EEPD1: variants seen among roughly 807,000 people sequenced by gnomAD.
The protein encoded by EEPD1 is endonuclease/exonuclease/phosphatase family domain containing 1, also known as endonuclease/exonuclease/phosphatase family domain-containing protein 1.
A neutral mutation model predicts 46.3 loss-of-function variants in EEPD1; 17 were observed. The observed-to-expected ratio is 0.37, with a 90% confidence interval of 0.25 to 0.55. The LOEUF (loss-of-function observed/expected upper bound fraction) is 0.55, where lower values mean the gene tolerates loss of function less well. Among genes scored for constraint, EEPD1 ranks in the 20% least tolerant of loss-of-function variants. The pLI, the probability that EEPD1 is intolerant of heterozygous loss-of-function variation, is 0.83. For missense variants in EEPD1, 673 were observed against 745.6 expected (o/e 0.90, Z 1.13); for synonymous variants, 313 against 315.6 (o/e 0.99, Z 0.09).
chr7:36,172,380 C>T (rs370057266), intron 2 of EEPD1, among the ~76,000 whole-genome samples: 40 of 152,262 alleles, frequency 2.6e-4, no homozygotes, highest in East Asian at 1.5e-3. Flanking sequence ...GGACTGGGTT[C>T]GAGAACTTCC....
intron 3 of EEPD1, among the ~76,000 whole-genome samples, chr7:36,252,061 C>G (rs952109191): frequency 6.6e-6 from 1 of 152,184 alleles, no homozygotes; most frequent in South Asian, 2.1e-4. Context: ...ATCTTTTACT[C>G]ACGATGGTTG....
chr7:36,287,450 G>C, intron 5 of EEPD1, 189 bp from the exon 6 acceptor site: 1 of 798,178 alleles, frequency 1.3e-6, no homozygotes, highest in Non-Finnish European at 1.9e-6. Flanking sequence ...AATAGGCCTT[G>C]TTCCTGCAGG....
chr7:36,287,309 C>A (rs192111361), intron 5 of EEPD1, among the ~76,000 whole-genome samples: 2 of 150,804 alleles, frequency 1.3e-5, no homozygotes, highest in African/African-American at 4.9e-5. Context: ...CCTTCCACCT[C>A]CTTCTTATAT....
In EEPD1 at chr7:36,241,404, C is replaced by T. The variant is rs561294090; in HGVS notation, c.930+2368C>T. Among the ~76,000 whole-genome samples the T allele has an allele frequency of 2.4e-3, 364 of 152,180 alleles. 3 individuals carry two copies. The highest frequency in any genetic ancestry group is 8.6e-3 in the African/African-American group (355 of 41,498). ...AGGAGAATTCCTTGAACCTGGCAAG[C>T]GGAGGTTGCAGTGAGCTGAGATTGC... On this transcript the variant is annotated intron_variant, in intron 3 of 7. Coordinates refer to ENST00000242108, the MANE Select transcript of EEPD1 (RefSeq NM_030636.3).
chr7:36,241,652 A>G (rs1183829490), intron 3 of EEPD1, among the ~76,000 whole-genome samples: 1 of 151,972 alleles, frequency 6.6e-6, no homozygotes, highest in African/African-American at 2.4e-5. Context: ...GGATCATTTG[A>G]GGTCAGGAGT....
At chr7:36,167,007 GT>G (rs1191896469) in intron 2 of EEPD1, among the ~76,000 whole-genome samples, 2 of 152,130 alleles carry the variant, frequency 1.3e-5, no homozygotes, top group Admixed American at 1.3e-4. Flanking sequence ...GGCCAGCTTG[GT>G]TTTTTCTCAG....
chr7:36,190,198 C>T (rs1785437491), intron 2 of EEPD1, among the ~76,000 whole-genome samples: 1 of 152,146 alleles, frequency 6.6e-6, no homozygotes, highest in Non-Finnish European at 1.5e-5. Context: ...ATAGTAAGAT[C>T]CTGTCTCAAC....
At chr7:36,220,790 T>C (rs1786131527) in intron 2 of EEPD1, among the ~76,000 whole-genome samples, 1 of 152,006 alleles carries the variant, frequency 6.6e-6, no homozygotes, top group South Asian at 2.1e-4. Context: ...CTGAATTCGG[T>C]TTTTGTTTTG....
intron 2 of EEPD1, among the ~76,000 whole-genome samples, chr7:36,202,764 T>G (rs1785735588): frequency 6.6e-6 from 1 of 152,192 alleles, no homozygotes; most frequent in East Asian, 1.9e-4. Context: ...TAGCCCCATT[T>G]TATGGCCCTG....
At chr7:36,212,610 A>G (rs925644707) in intron 2 of EEPD1, among the ~76,000 whole-genome samples, 1 of 138,422 alleles carries the variant, frequency 7.2e-6, no homozygotes, top group Non-Finnish European at 1.6e-5. Context: ...AGGAAGTCAC[A>G]TGGCCAAGCC....
chr7:36,173,080 T>C (rs1207660697), intron 2 of EEPD1, among the ~76,000 whole-genome samples: 2 of 152,092 alleles, frequency 1.3e-5, no homozygotes, highest in Admixed American at 1.3e-4. Context: ...TTTAGCTCTG[T>C]GTCCCCACCC....
At chr7:36,275,707 G>A (rs556044364) in intron 3 of EEPD1, among the ~76,000 whole-genome samples, 21 of 152,250 alleles carry the variant, frequency 1.4e-4, no homozygotes, top group African/African-American at 3.9e-4. Flanking sequence ...TGATCCACCC[G>A]CTTCGCCCTT....
chr7:36,301,138 G>A lies in EEPD1; in HGVS notation c.*1932G>A, dbSNP rs1189643543. On this transcript the variant is annotated 3_prime_UTR_variant, in exon 8 of 8. Transcript: ENST00000242108. ...CAGGAAATCCAATCAGATGACCTTT[G>A]TGTTCGTAATCGGGCTTGAGCCAGA... 1.3e-5 allele frequency: 2 copies of A among 152,212 alleles called. No individual in the cohort carries two copies. Among genetic ancestry groups the A allele is most frequent in the African/African-American group, 4.8e-5 (2 of 41,454 alleles). 9.4% of individuals were successfully genotyped at this position (152,212 alleles called of 1,614,324 possible).
rs569748396 is a variant in EEPD1, at chr7:36,258,555, G to A, written c.930+19519G>A. Among the ~76,000 whole-genome samples the A allele has an allele frequency of 1.6e-3, 246 of 152,290 alleles. 1 individual carries two copies. The highest frequency in any genetic ancestry group is 5.4e-3 in the African/African-American group (223 of 41,560). On this transcript the variant is annotated intron_variant, in intron 3 of 7. Coordinates refer to ENST00000242108, the MANE Select transcript of EEPD1 (RefSeq NM_030636.3). ...AGGAGGAATCTAGAGAGGCAGTCTGGCTACAGTGGCTTTGCAGAGCTGCAG... is the reference window on the plus strand; with the variant it reads ...AGGAGGAATCTAGAGAGGCAGTCTGACTACAGTGGCTTTGCAGAGCTGCAG...
chr7:36,233,277 G>A (rs1786370104), intron 2 of EEPD1, among the ~76,000 whole-genome samples: 2 of 152,248 alleles, frequency 1.3e-5, no homozygotes, highest in African/African-American at 4.8e-5. Context: ...ATGAATGACA[G>A]TCAGTTACAT....
intron 2 of EEPD1, among the ~76,000 whole-genome samples, chr7:36,163,862 A>C (rs1211181708): frequency 6.9e-6 from 1 of 144,722 alleles, no homozygotes; most frequent in African/African-American, 2.6e-5. Context: ...TGGGGGACAG[A>C]GCAAGACTCC....
rs758206869 is a variant in EEPD1 at position 36,211,667 on chromosome 7, G to A, written c.879-27318G>A. Among the ~76,000 whole-genome samples, 26 of 152,184 alleles carry A rather than the reference G, an allele frequency of 1.7e-4. 1 individual carries two copies. Among genetic ancestry groups the A allele is most frequent in the African/African-American group, 4.6e-4 (19 of 41,444 alleles). On this transcript the variant is annotated intron_variant, in intron 2 of 7. Transcript: ENST00000242108. Reference sequence around the variant, plus strand: ...TGGCTGGGCGTGGTGGCTCACACCCGTAATCCCAGCACTTTGGGAGGCCAA... The same window carrying A: ...TGGCTGGGCGTGGTGGCTCACACCCATAATCCCAGCACTTTGGGAGGCCAA...
At chr7:36,265,921 G>T (rs1057329266) in intron 3 of EEPD1, among the ~76,000 whole-genome samples, 1 of 152,196 alleles carries the variant, frequency 6.6e-6, no homozygotes, top group Non-Finnish European at 1.5e-5. Flanking sequence ...AACAGGCATG[G>T]CTGGCATTTC....
At chr7:36,271,869 C>CTATTCTATTCTATTG (rs1349224683) in intron 3 of EEPD1, among the ~76,000 whole-genome samples, 3 of 17,178 alleles carry the variant, frequency 1.7e-4, no homozygotes, top group African/African-American at 4.1e-4. Flanking sequence ...CTATTCTATT[C>CTATTCTATTCTATTG]TATTCTATTC....
Sources: allele counts gnomAD v4.1 joint callset (sites outside exome capture counted in the v4.1 genomes callset), GRCh38; gene constraint gnomAD v4.1.1; transcripts MANE v1.5; gene names NCBI Gene and HGNC (gene_info 2026-07-23, HGNC 2026-07-21).